The following YEATS2 variants were observed in gnomAD, a reference collection of about 807,000 sequenced individuals.
YEATS2 encodes YEATS domain containing 2.
YEATS2 carries 77 observed loss-of-function variants against 163.2 expected under a neutral mutation model. That is an observed-to-expected ratio of 0.47 (90% CI 0.39 to 0.57). The LOEUF is 0.57. Ranked by LOEUF, YEATS2 falls within the 20% of genes least tolerant of loss-of-function variation. YEATS2 has a pLI of 0.00. For missense variants in YEATS2, 1,549 were observed against 1,729.8 expected (o/e 0.90, Z 1.85); for synonymous variants, 631 against 645.1 (o/e 0.98, Z 0.33).
At chr3:183,700,548 A>G (rs1353064205) in intron 1 of YEATS2, among the ~76,000 whole-genome samples, 1 of 151,548 alleles carries the variant, frequency 6.6e-6, no homozygotes, top group Non-Finnish European at 1.5e-5. Flanking sequence ...GTTTTCTCAC[A>G]GAAAACAAGA....
At chr3:183,721,776 T>G in intron 4 of YEATS2, 115 bp from the exon 5 acceptor site, 1 of 1,390,962 alleles carries the variant, frequency 7.2e-7, no homozygotes, top group Non-Finnish European at 9.8e-7. Context: ...GTGGGGAGAT[T>G]TTGAAAGATT....
chr3:183,727,403 TC>T (rs1195384019), intron 6 of YEATS2, among the ~76,000 whole-genome samples: 3 of 152,168 alleles, frequency 2.0e-5, no homozygotes, highest in African/African-American at 7.2e-5. Context: ...TGCCTGAACT[TC>T]CAGGCCTGGC....
intron 10 of YEATS2, among the ~76,000 whole-genome samples, chr3:183,753,777 T>G (rs916886691): frequency 6.6e-6 from 1 of 152,276 alleles, no homozygotes; most frequent in Admixed American, 6.5e-5. Flanking sequence ...GATAGGAGGA[T>G]ATCATTAGAT....
intron 1 of YEATS2, among the ~76,000 whole-genome samples, chr3:183,700,142 A>G (rs1306649101): frequency 3.3e-5 from 5 of 152,106 alleles, no homozygotes; most frequent in Admixed American, 6.6e-5. Flanking sequence ...TTGATTGTCA[A>G]AAGTTCTTTA....
At chr3:183,746,479 A>T (rs192162369) in intron 8 of YEATS2, among the ~76,000 whole-genome samples, 1 of 152,294 alleles carries the variant, frequency 6.6e-6, no homozygotes, top group Non-Finnish European at 1.5e-5. Context: ...TGTTCCTGTT[A>T]CATTTCTTGT....
chr3:183,730,138 C>T (rs1402925951), intron 7 of YEATS2, among the ~76,000 whole-genome samples: 2 of 125,864 alleles, frequency 1.6e-5, no homozygotes, highest in African/African-American at 3.0e-5. Context: ...GATCTTGGCT[C>T]ACTGCAACCT....
At position 183,714,340 on chromosome 3, in the gene YEATS2, T is replaced by C. The variant is rs879377377; in HGVS notation, c.-19-804T>C. ...TCTCCCGAGTAGCTGGGACTACAGG[T>C]GCCTGCCACCATGCCCGTCTTTTTT... On this transcript the variant is annotated intron_variant, in intron 1 of 30. Transcript: ENST00000305135. 1.1e-3 allele frequency among the ~76,000 whole-genome samples: 165 copies of C among 151,226 alleles called. 1 individual carries two copies. The highest frequency in any genetic ancestry group is 0.01 in the Middle Eastern group (3 of 294).
chr3:183,724,440 T>G lies in YEATS2; in HGVS notation c.559T>G (p.Ser187Ala). The G allele has an allele frequency of 6.2e-7, 1 of 1,612,410 alleles. No homozygotes were observed. ...TCAGGATACTTCTAGAATTACTGGC[T>G]CCCATAAAACAGAACAGCGGAATGC... Reference protein sequence around the residue: ...TGRDTSRITGSHKTEQRNADL... With the variant: ...TGRDTSRITGAHKTEQRNADL... The change falls in exon 6 of 31, where the codon TCC becomes GCC. Residue 187 changes from serine to alanine, a missense_variant. Transcript: ENST00000305135.
chr3:183,806,120 C>A, intron 27 of YEATS2: 2 of 364,096 alleles, frequency 5.5e-6, no homozygotes, highest in Non-Finnish European at 1.1e-5. Flanking sequence ...TCAGCACATA[C>A]CTTGACTTAC....
At chr3:183,708,859 G>A (rs763949196) in intron 1 of YEATS2, among the ~76,000 whole-genome samples, 8 of 152,054 alleles carry the variant, frequency 5.3e-5, no homozygotes, top group Non-Finnish European at 1.0e-4. Flanking sequence ...GTAAGACTCT[G>A]TCTCTAAAAA....
intron 8 of YEATS2, among the ~76,000 whole-genome samples, chr3:183,741,300 T>C (rs1419171481): frequency 6.6e-6 from 1 of 152,110 alleles, no homozygotes; most frequent in East Asian, 1.9e-4. Context: ...CCTAGGGCCC[T>C]TAATAATGAT....
chr3:183,715,404 TTAATAG>T, intron 2 of YEATS2, 142 bp downstream of exon 2: 3 of 627,914 alleles, frequency 4.8e-6, no homozygotes, highest in Non-Finnish European at 8.5e-6. Flanking sequence ...AGGGATCTGT[TTAATAG>T]TAATACACCA....
chr3:183,740,323 C>T (rs1004886803), intron 8 of YEATS2, among the ~76,000 whole-genome samples: 2 of 152,062 alleles, frequency 1.3e-5, no homozygotes, highest in African/African-American at 4.8e-5. Flanking sequence ...CAAAAGAAGA[C>T]ATTTATGCAG....
At chr3:183,710,284 T>C (rs1246601573) in intron 1 of YEATS2, among the ~76,000 whole-genome samples, 1 of 152,000 alleles carries the variant, frequency 6.6e-6, no homozygotes, top group Non-Finnish European at 1.5e-5. Flanking sequence ...ACAAGAAGAG[T>C]CCAGAAGGTA....
At chr3:183,755,736 C>A (rs9811846) in intron 11 of YEATS2, among the ~76,000 whole-genome samples, 1 of 37,776 alleles carries the variant, frequency 2.6e-5, no homozygotes, top group Admixed American at 3.7e-4. Flanking sequence ...TTTCTTCCTT[C>A]CTTTCTTTTT....
intron 15 of YEATS2, among the ~76,000 whole-genome samples, chr3:183,769,782 TC>T (rs1722268055): frequency 6.6e-6 from 1 of 152,044 alleles, no homozygotes; most frequent in Admixed American, 6.5e-5. Context: ...AACCTCCGAC[TC>T]CCAGGTTCAA....
chr3:183,730,057 T>TTTTTG (rs1717592126), intron 7 of YEATS2, among the ~76,000 whole-genome samples: 1 of 29,970 alleles, frequency 3.3e-5, no homozygotes, highest in African/African-American at 2.0e-4. Context: ...TGTTTGTTTT[T>TTTTTG]TTTTTTTTTT....
At position 183,729,588 on chromosome 3, in the gene YEATS2, A is replaced by G. The variant is rs188305731; in HGVS notation, c.812+737A>G. On this transcript the variant is annotated intron_variant, in intron 7 of 30. Transcript: ENST00000305135. ...TTCTGTACATATTTGAATATAGTATAGTTGTTTCTTGTGATTATTTCACCA... is the reference window on the plus strand; with the variant it reads ...TTCTGTACATATTTGAATATAGTATGGTTGTTTCTTGTGATTATTTCACCA... Among the ~76,000 whole-genome samples, 7 of 152,218 alleles carry G rather than the reference A, an allele frequency of 4.6e-5. No homozygotes were observed. In the East Asian group the frequency reaches 1.3e-3, roughly 29 times the overall value.
intron 18 of YEATS2, 124 bp downstream of exon 18, chr3:183,776,247 C>G: frequency 1.0e-6 from 1 of 989,700 alleles, no homozygotes; most frequent in Non-Finnish European, 1.4e-6. Context: ...ACCGTGTTAT[C>G]TATATCTATA....
Sources: gnomAD v4.1 joint callset for allele counts (sites outside exome capture counted in the v4.1 genomes callset) on GRCh38, gnomAD v4.1.1 for gene constraint, MANE v1.5 for transcripts, NCBI Gene and HGNC (gene_info 2026-07-23, HGNC 2026-07-21) for gene names.